The following INPP4B variants were observed in gnomAD, a reference collection of about 807,000 sequenced individuals.
INPP4B encodes inositol polyphosphate 4-phosphatase type II.
INPP4B carries 55 observed loss-of-function variants against 122.5 expected under a neutral mutation model. The ratio of observed to expected loss-of-function variants is 0.45; its 90% CI spans 0.36 to 0.56. INPP4B has a LOEUF of 0.56. INPP4B is among the 20% of genes least tolerant of loss of function. The pLI is 0.00. For missense variants in INPP4B, 1,000 were observed against 1,097.7 expected (o/e 0.91, Z 1.26); for synonymous variants, 403 against 388.7 (o/e 1.04, Z -0.43).
At chr4:142,184,417 A>G (rs923888935) in intron 15 of INPP4B, among the ~76,000 whole-genome samples, 2 of 152,160 alleles carry the variant, frequency 1.3e-5, no homozygotes, top group Non-Finnish European at 2.9e-5. Context: ...ATTTTCCACA[A>G]GTGTCTTTTT....
intron 11 of INPP4B, among the ~76,000 whole-genome samples, chr4:142,252,639 T>A (rs1191842347): frequency 6.6e-6 from 1 of 152,232 alleles, no homozygotes; most frequent in East Asian, 1.9e-4. Flanking sequence ...GTTTAATACC[T>A]TGTTGAAATG....
chr4:142,300,705 T>A (rs1032582168), intron 9 of INPP4B, among the ~76,000 whole-genome samples: 6 of 152,088 alleles, frequency 3.9e-5, no homozygotes, highest in African/African-American at 1.4e-4. Context: ...AAAAACAGTA[T>A]AAGTTAAATG....
At chr4:142,599,553 G>A (rs1387166740) in intron 2 of INPP4B, among the ~76,000 whole-genome samples, 9 of 152,096 alleles carry the variant, frequency 5.9e-5, no homozygotes, top group South Asian at 2.1e-4. Flanking sequence ...AAGTAAAGTC[G>A]AAAATCTAGA....
At chr4:142,068,396 A>G (rs1764898261) in intron 25 of INPP4B, among the ~76,000 whole-genome samples, 1 of 152,244 alleles carries the variant, frequency 6.6e-6, no homozygotes, top group South Asian at 2.1e-4. Flanking sequence ...TGTAAAGACC[A>G]TCAAGGCTAG....
At chr4:142,842,816 G>A (rs1783702869) in intron 1 of INPP4B, among the ~76,000 whole-genome samples, 2 of 128,442 alleles carry the variant, frequency 1.6e-5, no homozygotes, top group Non-Finnish European at 1.6e-5. Flanking sequence ...AAATATGTAT[G>A]ATATATATAA....
In INPP4B at chr4:142,581,881, G is replaced by A. The variant is rs78417110; in HGVS notation, c.-190-119155C>T. On this transcript the variant is annotated intron_variant, in intron 2 of 25. Coordinates refer to ENST00000262992, the MANE Select transcript of INPP4B (RefSeq NM_001101669.3). Reference sequence around the variant, plus strand: ...TGGGGCTGTAGATGCTATTTAGAAAGTACAAGAGGTAATGGCTGGCATGAG... The same window carrying A: ...TGGGGCTGTAGATGCTATTTAGAAAATACAAGAGGTAATGGCTGGCATGAG... Among the ~76,000 whole-genome samples, 500 of 152,080 alleles carry A rather than the reference G, an allele frequency of 3.3e-3. 7 individuals carry two copies. The highest frequency in any genetic ancestry group is 0.018 in the East Asian group (93 of 5,136).
intron 10 of INPP4B, among the ~76,000 whole-genome samples, chr4:142,268,958 A>G (rs1744392174): frequency 6.6e-6 from 1 of 152,108 alleles, no homozygotes; most frequent in South Asian, 2.1e-4. Flanking sequence ...CAAATTGCTC[A>G]CAATTCCTTG....
At chr4:142,526,592 C>T (rs1021598715) in intron 2 of INPP4B, among the ~76,000 whole-genome samples, 8 of 152,046 alleles carry the variant, frequency 5.3e-5, no homozygotes, top group Admixed American at 2.6e-4. Flanking sequence ...GCAGGATGCA[C>T]ACGGAGATAT....
chr4:142,336,045 C>T (rs1043759619), intron 7 of INPP4B, among the ~76,000 whole-genome samples: 1 of 152,216 alleles, frequency 6.6e-6, no homozygotes, highest in Non-Finnish European at 1.5e-5. Flanking sequence ...CATTCTGATC[C>T]CATAAAAACC....
chr4:142,429,606 C>T (rs1372748411), intron 4 of INPP4B, among the ~76,000 whole-genome samples: 1 of 151,944 alleles, frequency 6.6e-6, no homozygotes, highest in Non-Finnish European at 1.5e-5. Context: ...TTTTCCAAGC[C>T]ACTCTAACCT....
intron 25 of INPP4B, among the ~76,000 whole-genome samples, chr4:142,070,072 A>C (rs1159426263): frequency 6.6e-6 from 1 of 152,228 alleles, no homozygotes; most frequent in Non-Finnish European, 1.5e-5. Context: ...AAGAACATCG[A>C]AGCAAAAATC....
In INPP4B at chr4:142,835,492, T is replaced by C. The variant is rs1257874882; in HGVS notation, c.-254+10717A>G. Among the ~76,000 whole-genome samples the C allele has an allele frequency of 2.6e-5, 4 of 152,188 alleles. No homozygotes were observed. In the South Asian group the frequency reaches 6.2e-4, roughly 24 times the overall value. ...TACGTATGAAAAAAATTCTGGACTATTTTCATTTTAAAAAATGTCTATAAC... is the reference window on the plus strand; with the variant it reads ...TACGTATGAAAAAAATTCTGGACTACTTTCATTTTAAAAAATGTCTATAAC... On this transcript the variant is annotated intron_variant, in intron 1 of 25. Coordinates refer to ENST00000262992, the MANE Select transcript of INPP4B (RefSeq NM_001101669.3).
At chr4:142,616,154 C>A (rs1743648972) in intron 2 of INPP4B, among the ~76,000 whole-genome samples, 1 of 152,010 alleles carries the variant, frequency 6.6e-6, no homozygotes, top group Non-Finnish European at 1.5e-5. Flanking sequence ...GCCCCCCAAC[C>A]CTCACCCAAT....
At chr4:142,087,884 A>G (rs1446587408) in intron 23 of INPP4B, among the ~76,000 whole-genome samples, 1 of 152,212 alleles carries the variant, frequency 6.6e-6, no homozygotes, top group African/African-American at 2.4e-5. Flanking sequence ...ATTGAAAATA[A>G]TCATATCTCA....
At chr4:142,772,317 C>T (rs531683079) in intron 1 of INPP4B, among the ~76,000 whole-genome samples, 44 of 152,052 alleles carry the variant, frequency 2.9e-4, no homozygotes, top group South Asian at 1.0e-3. Context: ...TGTGTGGAGG[C>T]GTGTGTCTCT....
At chr4:142,123,738 G>A (rs2152755529) in intron 19 of INPP4B, among the ~76,000 whole-genome samples, 1 of 152,120 alleles carries the variant, frequency 6.6e-6, no homozygotes, top group African/African-American at 2.4e-5. Flanking sequence ...ACTATTTTTT[G>A]TACATGTAAA....
intron 25 of INPP4B, among the ~76,000 whole-genome samples, chr4:142,071,074 T>A (rs532275708): frequency 6.6e-6 from 1 of 152,294 alleles, no homozygotes; most frequent in East Asian, 1.9e-4. Context: ...TCACGCTACC[T>A]GACTTCAAAC....
At chr4:142,579,879 G>GA (rs1734665753) in intron 2 of INPP4B, among the ~76,000 whole-genome samples, 11 of 142,594 alleles carry the variant, frequency 7.7e-5, no homozygotes, top group Non-Finnish European at 1.1e-4. Context: ...AGATAGGTAG[G>GA]TAGATAGATA....
intron 25 of INPP4B, among the ~76,000 whole-genome samples, chr4:142,030,913 G>T (rs116263744): frequency 0.012 from 1,844 of 152,216 alleles, 41 homozygotes; most frequent in African/African-American, 0.042. Flanking sequence ...TGTTAGTTCA[G>T]CTCATAAATT....
Sources: gnomAD v4.1 joint callset for allele counts (sites outside exome capture counted in the v4.1 genomes callset) on GRCh38, gnomAD v4.1.1 for gene constraint, MANE v1.5 for transcripts, NCBI Gene and HGNC (gene_info 2026-07-23, HGNC 2026-07-21) for gene names.